NCKAP5: variants seen among roughly 807,000 people sequenced by gnomAD.
NCKAP5 encodes nck-associated protein 5.
A neutral mutation model predicts 167.0 loss-of-function variants in NCKAP5; 92 were observed. The ratio of observed to expected loss-of-function variants is 0.55; its 90% CI spans 0.47 to 0.66. NCKAP5 has a LOEUF of 0.66. Among genes scored for constraint, NCKAP5 ranks in the 30% least tolerant of loss-of-function variants. The pLI is 0.00. For missense variants in NCKAP5, 2,378 were observed against 2,315.0 expected, an observed-to-expected ratio of 1.03 and a Z score of -0.56; for synonymous variants, 891 against 877.4, an observed-to-expected ratio of 1.02 and a Z score of -0.27.
chr2:133,086,438 C>T (rs1372042046), intron 6 of NCKAP5, among the ~76,000 whole-genome samples: 1 of 152,068 alleles, frequency 6.6e-6, no homozygotes, highest in Non-Finnish European at 1.5e-5. Flanking sequence ...AGGAGTTTGT[C>T]ACCAGCCAGG....
intron 4 of NCKAP5, among the ~76,000 whole-genome samples, chr2:133,223,243 A>G (rs2086730805): frequency 6.6e-6 from 1 of 152,176 alleles, no homozygotes; most frequent in Non-Finnish European, 1.5e-5. Flanking sequence ...AGAGTCATAC[A>G]CTAAAATCTT....
intron 19 of NCKAP5, among the ~76,000 whole-genome samples, chr2:132,692,154 A>ATTTTATTTTT (rs1553472635): frequency 1.1e-3 from 156 of 141,858 alleles, no homozygotes; most frequent in African/African-American, 4.0e-3. Flanking sequence ...ATTTTATTTT[A>ATTTTATTTTT]TTTTTTGAGA....
the NCKAP5 span, among the ~76,000 whole-genome samples, chr2:133,646,595 C>T: frequency 1.6e-3 from 238 of 152,126 alleles, 6 homozygotes; most frequent in East Asian, 0.033. Flanking sequence ...AATGCTAAAG[C>T]GAGCTTTTCA....
intron 3 of NCKAP5, among the ~76,000 whole-genome samples, chr2:133,449,944 C>T (rs1691442043): frequency 6.6e-6 from 1 of 151,942 alleles, no homozygotes; most frequent in African/African-American, 2.4e-5. Flanking sequence ...CTGTGCATCT[C>T]TATGTTTGAG....
At chr2:132,982,802 T>A (rs544006662) in intron 7 of NCKAP5, among the ~76,000 whole-genome samples, 68 of 152,340 alleles carry the variant, frequency 4.5e-4, no homozygotes, top group Non-Finnish European at 5.3e-4. Flanking sequence ...TAATGTAGGA[T>A]AATGGCTTCC....
chr2:133,279,877 A>G (rs2089875046), intron 4 of NCKAP5, among the ~76,000 whole-genome samples: 1 of 152,222 alleles, frequency 6.6e-6, no homozygotes, highest in Non-Finnish European at 1.5e-5. Flanking sequence ...TTATTCACAC[A>G]ACCATCATTC....
At chr2:132,945,428 A>C (rs1697639054) in intron 8 of NCKAP5, among the ~76,000 whole-genome samples, 1 of 152,076 alleles carries the variant, frequency 6.6e-6, no homozygotes, top group Non-Finnish European at 1.5e-5. Flanking sequence ...AGCTGAAAGG[A>C]GGATCTCTGT....
intron 19 of NCKAP5, among the ~76,000 whole-genome samples, chr2:132,717,419 T>C (rs1449996061): frequency 2.0e-5 from 3 of 152,176 alleles, no homozygotes; most frequent in African/African-American, 7.2e-5. Context: ...AGATTTGTCA[T>C]CTTTAAGTAA....
At chr2:132,968,410 T>G (rs915887242) in intron 7 of NCKAP5, among the ~76,000 whole-genome samples, 3 of 152,152 alleles carry the variant, frequency 2.0e-5, no homozygotes, top group African/African-American at 7.2e-5. Flanking sequence ...CTACCACAGA[T>G]GATGGGTCAG....
the NCKAP5 span, among the ~76,000 whole-genome samples, chr2:133,662,136 C>G: frequency 6.6e-6 from 1 of 152,078 alleles, no homozygotes; most frequent in African/African-American, 2.4e-5. Context: ...AGAAGATATT[C>G]TAAGGAAGTG....
chr2:133,053,006 G>A (rs1265904111), intron 6 of NCKAP5, among the ~76,000 whole-genome samples: 2 of 152,058 alleles, frequency 1.3e-5, no homozygotes, highest in South Asian at 2.1e-4. Context: ...GGCATGAGAG[G>A]GGGAGATAAA....
intron 4 of NCKAP5, among the ~76,000 whole-genome samples, chr2:133,264,385 A>G (rs752718570): frequency 5.9e-5 from 9 of 152,238 alleles, no homozygotes; most frequent in African/African-American, 1.9e-4. Flanking sequence ...GTAAAGTCCT[A>G]GTCAAATGTA....
chr2:133,619,738 C>T, the NCKAP5 span, among the ~76,000 whole-genome samples: 95,602 of 151,906 alleles, frequency 0.63, 31,188 homozygotes, highest in Middle Eastern at 0.78. Flanking sequence ...CATCCAAATA[C>T]AAGAAGATCA....
intron 5 of NCKAP5, among the ~76,000 whole-genome samples, chr2:133,178,642 G>A (rs1025720272): frequency 3.3e-5 from 5 of 150,080 alleles, no homozygotes; most frequent in South Asian, 4.2e-4. Flanking sequence ...TGGCTAACAC[G>A]GTGAAAACCT....
chr2:133,216,314 G>A (rs2086427629), intron 4 of NCKAP5, among the ~76,000 whole-genome samples: 1 of 152,068 alleles, frequency 6.6e-6, no homozygotes, highest in Admixed American at 6.5e-5. Context: ...GACAACAGCT[G>A]TGTAAGAATC....
chr2:132,906,165 T>C (rs1175437469), intron 8 of NCKAP5, among the ~76,000 whole-genome samples: 2 of 152,190 alleles, frequency 1.3e-5, no homozygotes, highest in African/African-American at 2.4e-5. Context: ...TCTAAGATGG[T>C]GTTTGGATTT....
At chr2:132,920,659 T>TTTA (rs1553479140) in intron 8 of NCKAP5, among the ~76,000 whole-genome samples, 2 of 82,018 alleles carry the variant, frequency 2.4e-5, no homozygotes, top group African/African-American at 1.2e-4. Context: ...ATGGAAGAAC[T>TTTA]TATATATATA....
chr2:133,583,277 T>C, the NCKAP5 span, among the ~76,000 whole-genome samples: 1 of 152,282 alleles, frequency 6.6e-6, no homozygotes, highest in East Asian at 1.9e-4. Flanking sequence ...CCCTCATGAA[T>C]GACTTAGCAA....
chr2:132,941,085 C>T (rs904995841), intron 8 of NCKAP5, among the ~76,000 whole-genome samples: 2 of 152,126 alleles, frequency 1.3e-5, no homozygotes, highest in African/African-American at 4.8e-5. Context: ...TGAAAGTTGG[C>T]CAAGTCCCCA....
Sources: allele counts gnomAD v4.1 joint callset (sites outside exome capture counted in the v4.1 genomes callset), GRCh38; gene constraint gnomAD v4.1.1; transcripts MANE v1.5; gene names NCBI Gene and HGNC (gene_info 2026-07-23, HGNC 2026-07-21).